The following TLE1 variants were observed in gnomAD, a reference collection of about 807,000 sequenced individuals.
TLE1 encodes the protein transducin-like enhancer protein 1.
Under a neutral mutation model 89.8 loss-of-function variants are expected in TLE1, and 21 were observed. The observed-to-expected ratio is 0.23, with a 90% CI of 0.17 to 0.34. The LOEUF is 0.34. TLE1 is among the 10% of genes least tolerant of loss of function. TLE1 has a pLI of 1.00. For missense variants in TLE1, 795 were observed against 1,031.2 expected, an observed-to-expected ratio of 0.77 and a Z score of 3.14; for synonymous variants, 447 against 407.6, an observed-to-expected ratio of 1.10 and a Z score of -1.16.
At chr9:81,589,223 T>C (rs1302064137) in intron 16 of TLE1, among the ~76,000 whole-genome samples, 1 of 152,166 alleles carries the variant, frequency 6.6e-6, no homozygotes, top group African/African-American at 2.4e-5. Context: ...TTTTGACCTT[T>C]CTAACTCATG....
intron 14 of TLE1, among the ~76,000 whole-genome samples, chr9:81,595,547 G>A (rs183192922): frequency 5.3e-5 from 8 of 152,198 alleles, no homozygotes; most frequent in Admixed American, 1.3e-4. Context: ...GGCTGGGCGC[G>A]GTGGCTCACG....
intron 4 of TLE1, among the ~76,000 whole-genome samples, chr9:81,676,831 G>C (rs1009692769): frequency 2.0e-5 from 3 of 152,166 alleles, no homozygotes; most frequent in Non-Finnish European, 2.9e-5. Flanking sequence ...TGAGCAGTGG[G>C]GACACTGGGC....
intron 11 of TLE1, among the ~76,000 whole-genome samples, chr9:81,613,947 A>T (rs1376186549): frequency 7.9e-6 from 1 of 126,910 alleles, no homozygotes; most frequent in East Asian, 2.5e-4. Context: ...TCACTCTGTC[A>T]CCCAAGCTGG....
chr9:81,617,989 C>A (rs1824766707), intron 9 of TLE1, among the ~76,000 whole-genome samples: 1 of 152,014 alleles, frequency 6.6e-6, no homozygotes, highest in Non-Finnish European at 1.5e-5. Context: ...TGTGCCATTG[C>A]ACTCCAGCCT....
intron 6 of TLE1, among the ~76,000 whole-genome samples, chr9:81,642,586 C>A (rs1348579876): frequency 1.3e-5 from 2 of 152,074 alleles, no homozygotes; most frequent in African/African-American, 4.8e-5. Context: ...CCCAGCTACT[C>A]CAGAGGCTGA....
chr9:81,637,294 G>A (rs1827506900), intron 6 of TLE1, among the ~76,000 whole-genome samples: 1 of 152,174 alleles, frequency 6.6e-6, no homozygotes, highest in Non-Finnish European at 1.5e-5. Context: ...GAAAGCAGAG[G>A]CTGTAGTGAG....
chr9:81,599,954 A>G (rs1418795188), intron 14 of TLE1: 2 of 546,666 alleles, frequency 3.7e-6, no homozygotes, highest in Non-Finnish European at 6.7e-6. Context: ...TATGTAAAAG[A>G]AGATTACAAG....
At position 81,645,400 on chromosome 9, in the gene TLE1, T is replaced by G. The variant is rs150138895; in HGVS notation, c.372+6814A>C. Among the ~76,000 whole-genome samples, 1,297 of 149,760 alleles carry G rather than the reference T, an allele frequency of 8.7e-3. 19 individuals carry two copies. The highest frequency in any genetic ancestry group is 0.03 in the African/African-American group (1,226 of 40,742). On this transcript the variant is annotated intron_variant, in intron 6 of 19. Transcript: ENST00000376499. ...AAAAATAATAGTAATAATAATTCAA[T>G]TGTAATTTTAAAATAACTAAAAGCG...
intron 8 of TLE1, among the ~76,000 whole-genome samples, chr9:81,622,394 G>A (rs1825379274): frequency 6.6e-6 from 1 of 152,086 alleles, no homozygotes; most frequent in South Asian, 2.1e-4. Flanking sequence ...CATCAGCACT[G>A]CGCATCCAAG....
intron 4 of TLE1, among the ~76,000 whole-genome samples, chr9:81,674,458 T>TA (rs1480381415): frequency 2.0e-5 from 3 of 152,124 alleles, no homozygotes; most frequent in Non-Finnish European, 4.4e-5. Context: ...TGAGGTTTTG[T>TA]TTCTGGTCCT....
In TLE1 at chr9:81,613,392, G is replaced by A; in HGVS notation, c.1048C>T (p.Leu350Phe). Reference sequence around the variant, plus strand: ...GATGCTGTACCCGCTTGGTTAACGAGGGGGTCTATGGCTGGAGGCTTGCCG... The same window carrying A: ...GATGCTGTACCCGCTTGGTTAACGAAGGGGTCTATGGCTGGAGGCTTGCCG... ...GLGKPPAIDP[L>F]VNQAAAGLRT... The change falls in exon 12 of 20, where the codon CTC (leucine) becomes TTC (phenylalanine). Residue 350 changes from leucine (L) to phenylalanine (F), a missense_variant. Around this residue, in one of 4 missense-constraint regions of TLE1, gnomAD observed 468 missense variants for 509.1 expected, o/e 0.92. Coordinates refer to ENST00000376499, the MANE Select transcript of TLE1 (RefSeq NM_005077.5). The A allele has an allele frequency of 6.2e-7, 1 of 1,614,034 alleles. No homozygotes were observed. Among genetic ancestry groups the A allele is most frequent in the Non-Finnish European group, 8.5e-7 (1 of 1,179,916 alleles).
intron 4 of TLE1, among the ~76,000 whole-genome samples, chr9:81,654,548 A>G (rs1337314809): frequency 6.6e-6 from 1 of 152,122 alleles, no homozygotes; most frequent in East Asian, 1.9e-4. Flanking sequence ...TCACCGTGTT[A>G]GCCAGGATGG....
chr9:81,643,967 C>T (rs1828494261), intron 6 of TLE1, among the ~76,000 whole-genome samples: 1 of 152,140 alleles, frequency 6.6e-6, no homozygotes. Flanking sequence ...GGATCCACTA[C>T]AAAAACTATA....
chr9:81,641,032 C>G (rs1828042331), intron 6 of TLE1, among the ~76,000 whole-genome samples: 1 of 152,144 alleles, frequency 6.6e-6, no homozygotes, highest in Non-Finnish European at 1.5e-5. Context: ...ACCTCTGATG[C>G]TAAGAGTGAC....
intron 17 of TLE1, among the ~76,000 whole-genome samples, chr9:81,587,409 C>T (rs527494482): frequency 1.4e-4 from 22 of 152,272 alleles, no homozygotes; most frequent in African/African-American, 4.3e-4. Flanking sequence ...CTTCAATGTA[C>T]AAATCCCTTA....
chr9:81,625,004 T>C lies in TLE1; in HGVS notation c.595-4447A>G, dbSNP rs80265805. On this transcript the variant is annotated intron_variant, in intron 8 of 19. Coordinates refer to ENST00000376499, the MANE Select transcript of TLE1 (RefSeq NM_005077.5). ...CCCTGTACATAAAGGGAGAAGCATA[T>C]CTGAGAAGTCTAAAAGAAAAGATCC... Among the ~76,000 whole-genome samples, 691 of 152,190 alleles carry C rather than the reference T, an allele frequency of 4.5e-3. 5 individuals are homozygous for C. Among genetic ancestry groups the C allele is most frequent in the African/African-American group, 0.015 (642 of 41,514 alleles).
At chr9:81,607,219 A>G (rs1476077564) in intron 14 of TLE1, among the ~76,000 whole-genome samples, 1 of 152,200 alleles carries the variant, frequency 6.6e-6, no homozygotes, top group African/African-American at 2.4e-5. Flanking sequence ...CCTTAGGCAC[A>G]TTGTGATTCT....
intron 2 of TLE1, among the ~76,000 whole-genome samples, chr9:81,686,403 T>A (rs574749030): frequency 6.6e-5 from 10 of 152,304 alleles, no homozygotes; most frequent in African/African-American, 2.4e-4. Flanking sequence ...GCTACTGCAA[T>A]AAAGTGGGTT....
At chr9:81,675,600 A>T (rs1339610562) in intron 4 of TLE1, among the ~76,000 whole-genome samples, 6 of 152,174 alleles carry the variant, frequency 3.9e-5, no homozygotes, top group Admixed American at 3.9e-4. Context: ...CTGACTACAG[A>T]TCACTCTTCC....
Sources: allele counts gnomAD v4.1 joint callset (sites outside exome capture counted in the v4.1 genomes callset), GRCh38; gene constraint gnomAD v4.1.1; regional missense constraint gnomAD v4.1.1; transcripts MANE v1.5; gene names NCBI Gene and HGNC (gene_info 2026-07-23, HGNC 2026-07-21).